The following EFR3A variants were observed in gnomAD, a reference collection of about 807,000 sequenced individuals.
EFR3A encodes EFR3 homolog A.
EFR3A carries 76 observed loss-of-function variants against 104.4 expected under a neutral mutation model. The observed-to-expected ratio is 0.73, with a 90% CI of 0.60 to 0.88. EFR3A has a LOEUF of 0.88. Among genes scored for constraint, EFR3A ranks in the 40% least tolerant of loss-of-function variants. EFR3A has a pLI of 0.00. For synonymous variants in EFR3A, 330 were observed against 330.0 expected (o/e 1.00, Z 0.00); for missense variants, 985 against 1,012.5 (o/e 0.97, Z 0.37).
intron 1 of EFR3A, among the ~76,000 whole-genome samples, chr8:131,921,935 G>GT (rs1188696214): frequency 6.6e-6 from 1 of 152,136 alleles, no homozygotes; most frequent in East Asian, 1.9e-4. Flanking sequence ...TAGGGCTACC[G>GT]TAACAAGGTA....
At chr8:131,925,089 T>C (rs930104139) in intron 1 of EFR3A, among the ~76,000 whole-genome samples, 8 of 152,088 alleles carry the variant, frequency 5.3e-5, no homozygotes, top group African/African-American at 1.9e-4. Flanking sequence ...GGTTTCTTAG[T>C]CTTAGTTCCT....
Position 131,979,024 on chromosome 8 carries a change from T to C in EFR3A, c.1499+5T>C, listed in dbSNP as rs769721597. 1 of 1,597,294 alleles carries C rather than the reference T, an allele frequency of 6.3e-7. No homozygotes were observed. Among genetic ancestry groups the C allele is most frequent in the Admixed American group, 1.8e-5 (1 of 56,986 alleles). On this transcript the variant is annotated splice_donor_5th_base_variant and intron_variant, in intron 13 of 22. Coordinates refer to ENST00000254624, the MANE Select transcript of EFR3A (RefSeq NM_015137.6). ...GGCAAAGCTTCGAGGGATCAGGTAA[T>C]GTGCCATTTTGAAATGGATCTAATG... is the stretch of plus-strand genomic sequence containing the variant.
chr8:131,979,755 T>C (rs984440649), intron 14 of EFR3A, among the ~76,000 whole-genome samples: 72 of 152,264 alleles, frequency 4.7e-4, no homozygotes, highest in African/African-American at 1.7e-3. Flanking sequence ...TATAGACAGC[T>C]TCAAGTTTCT....
intron 1 of EFR3A, among the ~76,000 whole-genome samples, chr8:131,923,776 C>T (rs893320287): frequency 3.9e-5 from 6 of 152,054 alleles, no homozygotes; most frequent in African/African-American, 1.2e-4. Context: ...TTTGCCAGTG[C>T]GCACTCAGAA....
At chr8:132,009,049 A>G (rs1369438381) in intron 22 of EFR3A, among the ~76,000 whole-genome samples, 1 of 151,924 alleles carries the variant, frequency 6.6e-6, no homozygotes, top group East Asian at 1.9e-4. Context: ...CAATTGCAAA[A>G]TTGTTAGTTA....
Position 131,970,564 on chromosome 8 carries a change from T to C in EFR3A, c.1080T>C (p.Ser360=). ...EFEANDLQGG[S]VGSVNLNTSS... The stretch of plus-strand genomic sequence containing the variant: ...AAGCAAATGATTTACAGGGGGGATC[T>C]GTAGGCAGTGTCAACTTAAATACAA... The change falls in exon 10 of 23, where the codon TCT becomes TCC. Residue 360 remains serine, a synonymous_variant. Transcript: ENST00000254624. The C allele has an allele frequency of 6.2e-7, 1 of 1,613,860 alleles. No individual in the cohort carries two copies. The highest frequency in any genetic ancestry group is 1.7e-4 in the Middle Eastern group (1 of 6,058).
chr8:131,966,031 A>T (rs1004588143), intron 8 of EFR3A, among the ~76,000 whole-genome samples: 1 of 152,054 alleles, frequency 6.6e-6, no homozygotes, highest in African/African-American at 2.4e-5. Context: ...TGGACACAGG[A>T]AGGGGAACAT....
At chr8:131,908,601 GA>G (rs1294846539) in intron 1 of EFR3A, among the ~76,000 whole-genome samples, 1 of 152,136 alleles carries the variant, frequency 6.6e-6, no homozygotes, top group African/African-American at 2.4e-5. Context: ...AAGATAGAGA[GA>G]TTGAAGTTCA....
chr8:131,956,043 A>G, intron 7 of EFR3A, 138 bp downstream of exon 7: 2 of 1,019,678 alleles, frequency 2.0e-6, no homozygotes, highest in Non-Finnish European at 2.9e-6. Context: ...TGAAAGTAGT[A>G]CAGGACTGAG....
chr8:131,968,366 G>T lies in EFR3A; in HGVS notation c.927G>T (p.Arg309=), dbSNP rs1422571147. The change falls in exon 9 of 23, where the codon CGG becomes CGT. Residue 309 remains arginine, a synonymous_variant. Coordinates refer to ENST00000254624, the MANE Select transcript of EFR3A (RefSeq NM_015137.6). ...ATGCTCGTAAAAAAGATGCTCCCCG[G>T]GTTCGAGCAGGTATTATTCAGGTTC... is the stretch of plus-strand genomic sequence containing the variant. The part of the protein sequence containing the change: ...HLDARKKDAP[R]VRAGIIQVLL... 3 of 1,613,386 alleles carry T rather than the reference G, an allele frequency of 1.9e-6. No individual in the cohort carries two copies. The highest frequency in any genetic ancestry group is 2.5e-6 in the Non-Finnish European group (3 of 1,179,626).
At chr8:132,003,377 TATC>T (rs1821884677) in intron 22 of EFR3A, 92 bp downstream of exon 22, 1 of 1,169,628 alleles carries the variant, frequency 8.5e-7, no homozygotes. Context: ...ATGTTTAAGT[TATC>T]ATGTTAAAGT....
chr8:131,993,382 C>T (rs13439822), intron 18 of EFR3A, among the ~76,000 whole-genome samples: 50,986 of 152,002 alleles, frequency 0.34, 8,944 homozygotes, highest in East Asian at 0.61. Flanking sequence ...AGAACCCCTC[C>T]TAACCACAGA....
At chr8:131,983,404 G>A (rs937076539) in intron 14 of EFR3A, among the ~76,000 whole-genome samples, 2 of 152,122 alleles carry the variant, frequency 1.3e-5, no homozygotes, top group South Asian at 2.1e-4. Context: ...GGCAGTTAGA[G>A]TTGAGAGCTA....
intron 1 of EFR3A, among the ~76,000 whole-genome samples, chr8:131,909,788 C>T (rs570805913): frequency 6.6e-6 from 1 of 152,236 alleles, no homozygotes; most frequent in African/African-American, 2.4e-5. Context: ...CAGGAGTAAC[C>T]CTCCTGCCCC....
chr8:131,904,178 C>A lies in EFR3A; in HGVS notation c.-135C>A. 1 of 1,041,534 alleles carries A rather than the reference C, an allele frequency of 9.6e-7. No individual in the cohort carries two copies. Among genetic ancestry groups the A allele is most frequent in the Non-Finnish European group, 1.2e-6 (1 of 812,840 alleles). 64.5% of individuals were successfully genotyped at this position (1,041,534 alleles called of 1,614,324 possible). A position where few individuals can be genotyped will look rare whatever the true frequency, so the allele number is the denominator to read the frequency against. ...CGTGACCGCGGGGTCCGCGTCCGCTCCCTCCACCCTTCGCCCTTCGCCCTT... is the reference window on the plus strand; with the variant it reads ...CGTGACCGCGGGGTCCGCGTCCGCTACCTCCACCCTTCGCCCTTCGCCCTT... On this transcript the variant is annotated 5_prime_UTR_variant, in exon 1 of 23. Transcript: ENST00000254624.
chr8:131,904,351 T>C, intron 1 of EFR3A, 29 bp downstream of exon 1: 1 of 1,245,582 alleles, frequency 8.0e-7, no homozygotes, highest in Non-Finnish European at 1.0e-6. Flanking sequence ...GCCGGGGGCG[T>C]TGGGAGGCGA....
intron 1 of EFR3A, among the ~76,000 whole-genome samples, chr8:131,930,665 C>T (rs984208271): frequency 7.2e-5 from 11 of 151,950 alleles, no homozygotes; most frequent in Non-Finnish European, 2.9e-5. Flanking sequence ...AAATCTACTC[C>T]CTAATGAGGT....
chr8:131,984,089 T>A (rs1164235194), intron 14 of EFR3A, 50 bp from the exon 15 acceptor site: 1 of 1,527,076 alleles, frequency 6.5e-7, no homozygotes, highest in African/African-American at 1.4e-5. Flanking sequence ...AAATCTGCCT[T>A]TTCTACATTT....
chr8:131,973,326 C>T (rs1456668956), intron 10 of EFR3A, among the ~76,000 whole-genome samples: 4 of 151,924 alleles, frequency 2.6e-5, no homozygotes, highest in East Asian at 3.9e-4. Context: ...TTGCGATATT[C>T]GAGGATGTTA....
Sources: gnomAD v4.1 joint callset for allele counts (sites outside exome capture counted in the v4.1 genomes callset) on GRCh38, gnomAD v4.1.1 for gene constraint, MANE v1.5 for transcripts, NCBI Gene and HGNC (gene_info 2026-07-23, HGNC 2026-07-21) for gene names.